The following AQP9 variants were observed in gnomAD, a reference collection of about 807,000 sequenced individuals.
The protein encoded by AQP9 is aquaporin-9.
Under a neutral mutation model 23.8 loss-of-function variants are expected in AQP9, and 19 were observed. The observed-to-expected ratio is 0.80, with a 90% CI of 0.56 to 1.17. The LOEUF is 1.17. AQP9 is among the 50% of genes most tolerant of loss of function. The pLI is 0.00. For synonymous variants in AQP9, 153 were observed against 131.5 expected (o/e 1.16, Z -1.12); for missense variants, 413 against 362.0 (o/e 1.14, Z -1.14).
intron 1 of AQP9, among the ~76,000 whole-genome samples, chr15:58,163,183 C>G (rs1168089687): frequency 6.6e-6 from 1 of 152,178 alleles, no homozygotes; most frequent in Non-Finnish European, 1.5e-5. Context: ...GTGAAGGACA[C>G]AGTGAAGGCT....
intron 1 of AQP9, among the ~76,000 whole-genome samples, chr15:58,147,318 A>G (rs1185323053): frequency 1.3e-5 from 2 of 152,094 alleles, no homozygotes; most frequent in South Asian, 4.1e-4. Flanking sequence ...TACTAATGAG[A>G]GCAGAAGTTG....
chr15:58,161,047 C>G (rs1033851446), intron 1 of AQP9, among the ~76,000 whole-genome samples: 5 of 152,098 alleles, frequency 3.3e-5, no homozygotes, highest in African/African-American at 1.2e-4. Flanking sequence ...GCCCTGAGGA[C>G]CAGCTTGAGG....
In AQP9 at chr15:58,138,407, C is replaced by G. The variant is rs1897893783; in HGVS notation, c.-159C>G. ...CACCAGAAGACGATTAAGCCACAGC[C>G]TCTAATTGGAACGGCATTTGTACAG... is the stretch of plus-strand genomic sequence containing the variant. On this transcript the variant is annotated 5_prime_UTR_variant, in exon 1 of 6. Transcript: ENST00000219919. 3 of 574,872 alleles carry G rather than the reference C, an allele frequency of 5.2e-6. No homozygotes were observed. Among genetic ancestry groups the G allele is most frequent in the Non-Finnish European group, 9.4e-6 (3 of 320,346 alleles). The allele number at this position is 574,872 out of a possible 1,614,324, so 35.6% of individuals were successfully genotyped here. A position where few individuals can be genotyped will look rare whatever the true frequency, so the allele number is the denominator to read the frequency against.
At chr15:58,176,659 G>C (rs1898762772) in intron 4 of AQP9, among the ~76,000 whole-genome samples, 1 of 150,058 alleles carries the variant, frequency 6.7e-6, no homozygotes, top group Non-Finnish European at 1.5e-5. Context: ...GCCCCAGGCT[G>C]GAGTGCAGTG....
chr15:58,181,358 T>C (rs1898884937), intron 5 of AQP9, among the ~76,000 whole-genome samples: 1 of 152,228 alleles, frequency 6.6e-6, no homozygotes, highest in African/African-American at 2.4e-5. Context: ...TAAGAGGTTA[T>C]TCCAGAAGCT....
Position 58,174,899 on chromosome 15 carries a change from A to G in AQP9, c.377-19A>G. ...TCTTCCCAGGGAACACTAATGTGCC[A>G]GAGCTTTCTCTTTCATAGATGGACT... is the stretch of plus-strand genomic sequence containing the variant. On this transcript the variant is annotated intron_variant, in intron 3 of 5. Coordinates refer to ENST00000219919, the MANE Select transcript of AQP9 (RefSeq NM_020980.5). 5.0e-6 allele frequency: 8 copies of G among 1,604,870 alleles called. No individual in the cohort carries two copies. Among genetic ancestry groups the G allele is most frequent in the Non-Finnish European group, 6.8e-6 (8 of 1,171,572 alleles).
At chr15:58,139,984 T>C (rs1897924698) in intron 1 of AQP9, among the ~76,000 whole-genome samples, 1 of 152,188 alleles carries the variant, frequency 6.6e-6, no homozygotes, top group African/African-American at 2.4e-5. Flanking sequence ...AGTCAGTGAT[T>C]CTTATGATTC....
chr15:58,150,110 T>C (rs1470434033), intron 1 of AQP9, among the ~76,000 whole-genome samples: 3 of 152,140 alleles, frequency 2.0e-5, no homozygotes, highest in African/African-American at 4.8e-5. Flanking sequence ...AGGCAACACA[T>C]ATGAGTGATG....
intron 1 of AQP9, among the ~76,000 whole-genome samples, chr15:58,163,530 T>A (rs1898429727): frequency 6.6e-6 from 1 of 152,160 alleles, no homozygotes; most frequent in South Asian, 2.1e-4. Flanking sequence ...AAATAAGTAC[T>A]TATTGTAGAG....
chr15:58,138,347 TCAAA>T, upstream of AQP9: 1 of 434,842 alleles, frequency 2.3e-6, no homozygotes, highest in Non-Finnish European at 4.2e-6. Flanking sequence ...AGTCGCAGAT[TCAAA>T]CAAATAGCAG....
At chr15:58,168,823 C>A (rs528305816) in intron 2 of AQP9, among the ~76,000 whole-genome samples, 1 of 152,314 alleles carries the variant, frequency 6.6e-6, no homozygotes, top group South Asian at 2.1e-4. Flanking sequence ...TAACTGCTCC[C>A]CCTATAAGCT....
intron 1 of AQP9, among the ~76,000 whole-genome samples, chr15:58,145,279 G>C (rs180870601): frequency 2.0e-5 from 3 of 151,958 alleles, no homozygotes; most frequent in Non-Finnish European, 4.4e-5. Flanking sequence ...GAGGCAGGTG[G>C]ATCACCTAAG....
At chr15:58,177,726 G>A (rs1444951654) in intron 4 of AQP9, among the ~76,000 whole-genome samples, 4 of 152,086 alleles carry the variant, frequency 2.6e-5, no homozygotes, top group Non-Finnish European at 4.4e-5. Flanking sequence ...ATGAGATAAA[G>A]CATATGAAGT....
intron 1 of AQP9, among the ~76,000 whole-genome samples, chr15:58,157,483 C>T (rs1178436542): frequency 6.6e-6 from 1 of 152,164 alleles, no homozygotes; most frequent in Non-Finnish European, 1.5e-5. Flanking sequence ...GGGAACTGTT[C>T]AACTCCCTGG....
At position 58,179,539 on chromosome 15, in the gene AQP9, AAGAG is replaced by A. The variant is rs561331519; in HGVS notation, c.713+204_713+207del. On this transcript the variant is annotated intron_variant, in intron 5 of 5. Coordinates refer to ENST00000219919, the MANE Select transcript of AQP9 (RefSeq NM_020980.5). ...TGTGTGTGTGTGTGTGTGTGTGTGA[AAGAG>A]AGAGAGAGACAGAGAAAGAGAGGCG... 1.1e-4 allele frequency among the ~76,000 whole-genome samples: 13 copies of A among 113,868 alleles called. No individual in the cohort carries two copies. The South Asian group carries it at 2.8e-3, about 25-fold the overall frequency. 74.7% of individuals were successfully genotyped at this position (113,868 alleles called of 152,430 possible).
At chr15:58,180,414 A>T (rs1898858558) in intron 5 of AQP9, among the ~76,000 whole-genome samples, 1 of 152,210 alleles carries the variant, frequency 6.6e-6, no homozygotes. Flanking sequence ...TCACCACCAC[A>T]GATAGCACTC....
rs1898991548 is a variant in AQP9 at position 58,185,031 on chromosome 15, C to T, written c.*896C>T. On this transcript the variant is annotated 3_prime_UTR_variant, in exon 6 of 6. Coordinates refer to ENST00000219919, the MANE Select transcript of AQP9 (RefSeq NM_020980.5). ...TTTACACATGCCCTAGAAGCCAAAA[C>T]TGAAAGCCACTGGATCCTGGTCTAG... The T allele has an allele frequency of 6.6e-6, 1 of 152,164 alleles. No homozygotes were observed. 9.4% of individuals were successfully genotyped at this position (152,164 alleles called of 1,614,324 possible). A position where few individuals can be genotyped will look rare whatever the true frequency, so the allele number is the denominator to read the frequency against.
At chr15:58,151,143 A>G (rs1898140993) in intron 1 of AQP9, 1 of 152,170 alleles carries the variant, frequency 6.6e-6, no homozygotes. Context: ...AAGGTATAGT[A>G]TTATCAATAC....
intron 1 of AQP9, among the ~76,000 whole-genome samples, chr15:58,149,313 A>G (rs1898106144): frequency 6.6e-6 from 1 of 152,116 alleles, no homozygotes; most frequent in East Asian, 1.9e-4. Context: ...TATTGGGAGG[A>G]CTCACAGAAG....
Sources: allele counts gnomAD v4.1 joint callset (sites outside exome capture counted in the v4.1 genomes callset), GRCh38; gene constraint gnomAD v4.1.1; transcripts MANE v1.5; gene names NCBI Gene and HGNC (gene_info 2026-07-23, HGNC 2026-07-21).